Variants in WDR36 observed in about 807,000 individuals in gnomAD.
WDR36 encodes WD repeat domain 36, also known as WD repeat-containing protein 36.
A neutral mutation model predicts 112.7 loss-of-function variants in WDR36; 63 were observed. The ratio of observed to expected loss-of-function variants is 0.56; its 90% CI spans 0.46 to 0.69. The LOEUF (loss-of-function observed/expected upper bound fraction) is 0.69, where lower values mean the gene tolerates loss of function less well. WDR36 is among the 30% of genes least tolerant of loss of function. The pLI is 0.00. For missense variants in WDR36, 1,226 were observed against 1,070.3 expected, an observed-to-expected ratio of 1.15 and a Z score of -2.03; for synonymous variants, 410 against 362.2, an observed-to-expected ratio of 1.13 and a Z score of -1.50.
At chr5:111,111,553 G>A (rs1753340518) in intron 15 of WDR36, 1 of 344,394 alleles carries the variant, frequency 2.9e-6, no homozygotes, top group Non-Finnish European at 5.5e-6. Flanking sequence ...ATGATCCATT[G>A]GTATATATGT....
chr5:111,092,463 C>G lies in WDR36; in HGVS notation c.7C>G (p.Arg3Gly). The change falls in exon 1 of 23, where the codon CGG becomes GGG. Residue 3 changes from arginine to glycine, a missense_variant. Physicochemically the swap from Arg to Gly is moderately radical, Grantham distance 125. Coordinates refer to ENST00000513710, the MANE Select transcript of WDR36 (RefSeq NM_139281.3). ...AGCTGGGATCGCGGCGGCAATGGAA[C>G]GGGCCTCAGAAAGGCGCACGGCCAG... ME[R>G]ASERRTASAL... 1 of 1,614,208 alleles carries G rather than the reference C, an allele frequency of 6.2e-7. No individual in the cohort carries two copies. The highest frequency in any genetic ancestry group is 1.3e-5 in the African/African-American group (1 of 75,064).
intron 1 of WDR36, among the ~76,000 whole-genome samples, chr5:111,094,039 A>T (rs939129092): frequency 6.6e-6 from 1 of 152,186 alleles, no homozygotes; most frequent in Non-Finnish European, 1.5e-5. Flanking sequence ...AAAGAAAAAA[A>T]AAAGGAGCTA....
intron 11 of WDR36, among the ~76,000 whole-genome samples, chr5:111,106,385 T>G (rs1261310639): frequency 6.6e-6 from 1 of 151,468 alleles, no homozygotes; most frequent in Non-Finnish European, 1.5e-5. Flanking sequence ...ATATTTGATT[T>G]TATAGCCTTT....
intron 21 of WDR36, among the ~76,000 whole-genome samples, chr5:111,124,538 C>T (rs1347841208): frequency 6.6e-6 from 1 of 151,998 alleles, no homozygotes; most frequent in East Asian, 1.9e-4. Context: ...AAGTAATTTG[C>T]AAGTCTTTTG....
Position 111,104,801 on chromosome 5 carries a change from G to A in WDR36, c.1011G>A (p.Gln337=), listed in dbSNP as rs2112572714. The A allele has an allele frequency of 6.2e-7, 1 of 1,611,102 alleles. No individual in the cohort carries two copies. ...TCAGATATTATGGACAGAATGGACA[G>A]CAGATTCTAAGTGCAAGTGAGCTTC... The part of the protein sequence containing the change: ...TNIRYYGQNG[Q]QILSASQDGT... The change falls in exon 9 of 23, where the codon CAG becomes CAA. Residue 337 remains glutamine (Q), a synonymous_variant. Coordinates refer to ENST00000513710, the MANE Select transcript of WDR36 (RefSeq NM_139281.3).
chr5:111,120,173 T>G (rs1753536505), intron 17 of WDR36, among the ~76,000 whole-genome samples: 1 of 152,140 alleles, frequency 6.6e-6, no homozygotes, highest in Admixed American at 6.6e-5. Context: ...TCATCTTTCC[T>G]TTTAATTTCC....
rs1397141185 is a variant in WDR36, at chr5:111,121,078, G to T, written c.2085G>T (p.Leu695Phe). The T allele has an allele frequency of 6.2e-7, 1 of 1,613,408 alleles. No individual in the cohort carries two copies. The highest frequency in any genetic ancestry group is 8.5e-7 in the Non-Finnish European group (1 of 1,179,532). Residue 695 changes from leucine to phenylalanine, a missense_variant, in exon 19 of 23, where the codon TTG (leucine) becomes TTT (phenylalanine). Leu to Phe is a conservative substitution (Grantham distance 22, BLOSUM62 0). Transcript: ENST00000513710. The part of the protein sequence containing the change: ...YDSPEQLNEQ[L>F]VTLSLLPESR... ...CGCCAGAACAGTTGAATGAGCAATTGGTGACTCTTTCACTTCTTCCTGAAT... is the reference window on the plus strand; with the variant it reads ...CGCCAGAACAGTTGAATGAGCAATTTGTGACTCTTTCACTTCTTCCTGAAT...
rs1274565111 is a variant in WDR36, at chr5:111,128,185, AAC to A, written c.*1306_*1307del. 4 of 191,402 alleles carry A rather than the reference AAC, an allele frequency of 2.1e-5. No individual in the cohort carries two copies. The highest frequency in any genetic ancestry group is 7.0e-5 in the African/African-American group (3 of 43,032). 11.9% of individuals were successfully genotyped at this position (191,402 alleles called of 1,614,324 possible). On this transcript the variant is annotated 3_prime_UTR_variant, in exon 23 of 23. Coordinates refer to ENST00000513710, the MANE Select transcript of WDR36 (RefSeq NM_139281.3). Reference sequence around the variant, plus strand: ...CCCTCAAAAGTTGGGTCTTTCATGAAACACAGTGGTTTGAATATGAACACCAG... The same window carrying A: ...CCCTCAAAAGTTGGGTCTTTCATGAAACAGTGGTTTGAATATGAACACCAG...
Position 111,126,770 on chromosome 5 carries a change from C to A in WDR36, c.2575C>A (p.Leu859Ile), listed in dbSNP as rs779126596. 6.2e-7 allele frequency: 1 copy of A among 1,613,648 alleles called. No homozygotes were observed. Among genetic ancestry groups the A allele is most frequent in the East Asian group, 2.2e-5 (1 of 44,814 alleles). The change falls in exon 23 of 23, where the codon CTA (leucine) becomes ATA (isoleucine). Residue 859 changes from leucine to isoleucine, a missense_variant. Physicochemically the swap from Leu to Ile is conservative, Grantham distance 5 (BLOSUM62 2). Transcript: ENST00000513710. ...AATGCTTCCTTCAGAGCCAGTACTC[C>A]TAGAAGAAATAACAAATTTGTCATC... ...LKMLPSEPVLLEEITNLSSQV... is the reference protein window; with the variant it reads ...LKMLPSEPVLIEEITNLSSQV...
chr5:111,097,813 C>T (rs1027908731), intron 3 of WDR36, among the ~76,000 whole-genome samples: 2 of 152,176 alleles, frequency 1.3e-5, no homozygotes, highest in Non-Finnish European at 2.9e-5. Context: ...ATGATAGTAT[C>T]ACTGTACTTG....
chr5:111,105,581 T>C (rs918370874), intron 10 of WDR36, among the ~76,000 whole-genome samples: 7 of 151,548 alleles, frequency 4.6e-5, no homozygotes, highest in East Asian at 3.9e-4. Context: ...TCTTGGGTGG[T>C]AAAAACATAC....
rs777054534 is a variant in WDR36, at chr5:111,105,314, G to C, written c.1047G>C (p.Gln349His). The change falls in exon 10 of 23, where the codon CAG (glutamine) becomes CAC (histidine). Residue 349 changes from glutamine to histidine, a missense_variant. Gln to His is a conservative substitution (Grantham distance 24). Coordinates refer to ENST00000513710, the MANE Select transcript of WDR36 (RefSeq NM_139281.3). Reference protein sequence around the residue: ...ILSASQDGTLQSFSTVHEKFN... With the variant: ...ILSASQDGTLHSFSTVHEKFN... Reference sequence around the variant, plus strand: ...CAACAGGTCAAGATGGAACTCTTCAGTCATTTTCCACGGTACATGAAAAAT... The same window carrying C: ...CAACAGGTCAAGATGGAACTCTTCACTCATTTTCCACGGTACATGAAAAAT... The C allele has an allele frequency of 1.9e-6, 3 of 1,609,896 alleles. No individual in the cohort carries two copies. The highest frequency in any genetic ancestry group is 2.5e-6 in the Non-Finnish European group (3 of 1,177,200).
chr5:111,095,034 G>A (rs1209244742), intron 2 of WDR36, 87 bp downstream of exon 2: 2 of 1,255,746 alleles, frequency 1.6e-6, no homozygotes, highest in East Asian at 2.5e-5. Context: ...AGCATATAAG[G>A]AAGCCAAGGT....
chr5:111,096,864 T>A (rs898668212), intron 2 of WDR36: 5 of 435,974 alleles, frequency 1.1e-5, no homozygotes, highest in African/African-American at 1.0e-4. Context: ...GACATTCTCT[T>A]AGGGAAGGAC....
In WDR36 at chr5:111,119,087, C is replaced by T. The variant is rs2112586560; in HGVS notation, c.1871C>T (p.Thr624Ile). The T allele has an allele frequency of 6.2e-7, 1 of 1,613,598 alleles. No homozygotes were observed. The highest frequency in any genetic ancestry group is 2.2e-5 in the East Asian group (1 of 44,856). ...TCTCCTACTGGAGACTTTCTGGCAA[C>T]TTCCCATGTGGACCACCTTGGAATT... ...SMSPTGDFLA[T>I]SHVDHLGIYL... The change falls in exon 17 of 23, where the codon ACT becomes ATT. Residue 624 changes from threonine to isoleucine, a missense_variant. Thr to Ile is a moderately conservative substitution (Grantham distance 89). Coordinates refer to ENST00000513710, the MANE Select transcript of WDR36 (RefSeq NM_139281.3).
chr5:111,096,458 CTT>C (rs1752981954), intron 2 of WDR36, among the ~76,000 whole-genome samples: 1 of 152,170 alleles, frequency 6.6e-6, no homozygotes, highest in Admixed American at 6.5e-5. Flanking sequence ...AATCCCAGCA[CTT>C]TGGAAGGCCG....
In WDR36 at chr5:111,130,149, GGA is replaced by G. The variant is rs1479803271; in HGVS notation, c.*3271_*3272del. 4.8e-6 allele frequency: 1 copy of G among 208,438 alleles called. No individual in the cohort carries two copies. The highest frequency in any genetic ancestry group is 7.2e-5 in the East Asian group (1 of 13,902). The allele number at this position is 208,438 out of a possible 1,614,324, so 12.9% of individuals were successfully genotyped here. On this transcript the variant is annotated 3_prime_UTR_variant, in exon 23 of 23. Transcript: ENST00000513710. ...TGCACAACATTTATAGGACTGATTT[GGA>G]GAGACCGACAATACCGAGTGCAGTC...
chr5:111,107,523 T>C, intron 12 of WDR36, 84 bp downstream of exon 12: 1 of 1,547,132 alleles, frequency 6.5e-7, no homozygotes, highest in Admixed American at 1.8e-5. Flanking sequence ...CTCATCATAA[T>C]ATTGACTGAA....
intron 2 of WDR36, 126 bp downstream of exon 2, chr5:111,095,073 T>A: frequency 1.2e-6 from 1 of 853,816 alleles, no homozygotes; most frequent in Admixed American, 2.7e-5. Flanking sequence ...ACTTACATTA[T>A]CAGCAACAAA....
Sources: allele counts gnomAD v4.1 joint callset (sites outside exome capture counted in the v4.1 genomes callset), GRCh38; gene constraint gnomAD v4.1.1; transcripts MANE v1.5; gene names NCBI Gene and HGNC (gene_info 2026-07-23, HGNC 2026-07-21).